Variants in TPO observed in about 807,000 individuals in gnomAD.
The protein encoded by TPO is thyroid microsomal antigen.
In TPO, 78 loss-of-function variants were observed where a neutral mutation model predicts 96.9. The observed-to-expected ratio is 0.81, with a 90% CI of 0.67 to 0.97. The LOEUF is 0.97. Among genes scored for constraint, TPO ranks in the 50% least tolerant of loss-of-function variants. The pLI is 0.00. For synonymous variants in TPO, 547 were observed against 538.0 expected, an observed-to-expected ratio of 1.02 and a Z score of -0.23; for missense variants, 1,252 against 1,274.8, an observed-to-expected ratio of 0.98 and a Z score of 0.27.
intron 7 of TPO, among the ~76,000 whole-genome samples, chr2:1,470,358 T>C (rs1331849590): frequency 6.6e-6 from 1 of 152,072 alleles, no homozygotes; most frequent in South Asian, 2.1e-4. Context: ...GCGAAAAAGG[T>C]GGACAAGGAG....
intron 1 of TPO, among the ~76,000 whole-genome samples, chr2:1,400,363 T>A (rs982957580): frequency 6.6e-6 from 1 of 152,048 alleles, no homozygotes; most frequent in Non-Finnish European, 1.5e-5. Flanking sequence ...CGTTCTGGCA[T>A]GTGCCTGTAA....
intron 1 of TPO, among the ~76,000 whole-genome samples, chr2:1,388,243 A>G (rs1220452489): frequency 6.6e-6 from 1 of 152,226 alleles, no homozygotes; most frequent in Admixed American, 6.5e-5. Context: ...AACCTGTCAG[A>G]CAGGGACATT....
chr2:1,503,598 C>A (rs976838028), intron 13 of TPO, among the ~76,000 whole-genome samples: 3 of 152,158 alleles, frequency 2.0e-5, no homozygotes, highest in African/African-American at 7.2e-5. Context: ...CCTGCCCCAC[C>A]CTCACCCTGG....
chr2:1,412,470 T>C (rs1218749643), upstream of TPO, among the ~76,000 whole-genome samples: 1 of 152,200 alleles, frequency 6.6e-6, no homozygotes, highest in South Asian at 2.1e-4. Flanking sequence ...TCAGAGCTTG[T>C]CTAACTCATT....
At chr2:1,502,695 T>C (rs1672997139) in intron 13 of TPO, among the ~76,000 whole-genome samples, 1 of 152,216 alleles carries the variant, frequency 6.6e-6, no homozygotes. Flanking sequence ...CGACTTCTTA[T>C]ACTCTTATAG....
chr2:1,420,341 C>G (rs2148424407), intron 2 of TPO, among the ~76,000 whole-genome samples: 3 of 152,258 alleles, frequency 2.0e-5, no homozygotes, highest in Middle Eastern at 6.8e-3. Flanking sequence ...TTGTCAAGTG[C>G]CTGCTGAAAA....
At chr2:1,477,005 C>T (rs1489369413) in intron 7 of TPO, 81 bp from the exon 8 acceptor site, 9 of 1,500,980 alleles carry the variant, frequency 6.0e-6, no homozygotes, top group Non-Finnish European at 7.1e-6. Flanking sequence ...GCTGCGGGGT[C>T]GTCGCCGGCC....
intron 15 of TPO, among the ~76,000 whole-genome samples, chr2:1,532,846 TC>T (rs1678632122): frequency 1.1e-4 from 5 of 44,334 alleles, no homozygotes; most frequent in Admixed American, 3.3e-4. Context: ...TCTCCCCAAA[TC>T]CCCCCCACTC....
intron 3 of TPO, among the ~76,000 whole-genome samples, chr2:1,427,667 G>T (rs980647316): frequency 6.6e-6 from 1 of 152,228 alleles, no homozygotes; most frequent in Non-Finnish European, 1.5e-5. Context: ...AGAAGCGTCT[G>T]CATGAGGAGG....
intron 15 of TPO, among the ~76,000 whole-genome samples, chr2:1,536,763 T>C (rs1384757001): frequency 1.3e-4 from 8 of 63,572 alleles, no homozygotes; most frequent in East Asian, 5.1e-4. Flanking sequence ...CAAATCCCCA[T>C]CACTCTGTGT....
intron 14 of TPO, among the ~76,000 whole-genome samples, chr2:1,511,751 C>T (rs968874741): frequency 6.6e-6 from 1 of 152,164 alleles, no homozygotes; most frequent in Non-Finnish European, 1.5e-5. Context: ...CAGTGACATC[C>T]CCATGCCACT....
At chr2:1,457,249 C>T (rs1469444397) in intron 7 of TPO, among the ~76,000 whole-genome samples, 2 of 80,344 alleles carry the variant, frequency 2.5e-5, no homozygotes, top group African/African-American at 1.1e-4. Context: ...ATGTATGATA[C>T]TGTGGGTACA....
chr2:1,505,969 G>C (rs1357027530), intron 14 of TPO, among the ~76,000 whole-genome samples: 1 of 149,620 alleles, frequency 6.7e-6, no homozygotes, highest in Non-Finnish European at 1.5e-5. Flanking sequence ...CCATTAACTC[G>C]TCATTTAACA....
intron 4 of TPO, among the ~76,000 whole-genome samples, chr2:1,435,804 A>AT (rs1477934522): frequency 1.3e-5 from 2 of 152,210 alleles, no homozygotes; most frequent in Non-Finnish European, 2.9e-5. Context: ...TCAAGGCAAG[A>AT]TTTTTTCTAC....
chr2:1,510,595 C>A (rs1364446227), intron 14 of TPO, among the ~76,000 whole-genome samples: 1 of 152,140 alleles, frequency 6.6e-6, no homozygotes, highest in East Asian at 1.9e-4. Flanking sequence ...GAGGGCTCAC[C>A]CACTACGTCT....
At chr2:1,497,403 G>A (rs538171295) in intron 13 of TPO, among the ~76,000 whole-genome samples, 7 of 152,318 alleles carry the variant, frequency 4.6e-5, no homozygotes, top group East Asian at 1.9e-4. Flanking sequence ...AGAGCCTCCC[G>A]GGGGGAGAGC....
rs117149359 is a variant in TPO at position 1,537,801 on chromosome 2, T to C, written c.2619-2793T>C. 0.012 allele frequency among the ~76,000 whole-genome samples: 698 copies of C among 57,248 alleles called. 13 individuals carry two copies. The East Asian group carries it at 0.15, about 12-fold the overall frequency. The allele number at this position is 57,248 out of a possible 152,430, so 37.6% of individuals were successfully genotyped here. A position where few individuals can be genotyped will look rare whatever the true frequency, so the allele number is the denominator to read the frequency against. Reference sequence around the variant, plus strand: ...CCCCAAATCCCCCCATTGTGAGCAATGTCCCCAAATCCCCCCACTGTGAGC... The same window carrying C: ...CCCCAAATCCCCCCATTGTGAGCAACGTCCCCAAATCCCCCCACTGTGAGC... On this transcript the variant is annotated intron_variant, in intron 15 of 16. Coordinates refer to ENST00000329066, the MANE Select transcript of TPO (RefSeq NM_001206744.2).
At chr2:1,489,982 G>GA (rs1255085157) in intron 10 of TPO, among the ~76,000 whole-genome samples, 19 of 113,222 alleles carry the variant, frequency 1.7e-4, no homozygotes, top group African/African-American at 5.4e-4. Context: ...TCCCACACAG[G>GA]GGGAGTCACG....
rs1293359162 is a variant in TPO, at chr2:1,418,108, C to T, written c.94+3606C>T. 2.6e-5 allele frequency among the ~76,000 whole-genome samples: 4 copies of T among 152,246 alleles called. No homozygotes were observed. The South Asian group carries it at 8.3e-4, about 32-fold the overall frequency. On this transcript the variant is annotated intron_variant, in intron 2 of 16. Transcript: ENST00000329066. ...GACCAGCCTGACCAACATGGCAAAA[C>T]CCCATCTCTACTAAAAATACAAAAA...
Sources: gnomAD v4.1 joint callset for allele counts (sites outside exome capture counted in the v4.1 genomes callset) on GRCh38, gnomAD v4.1.1 for gene constraint, MANE v1.5 for transcripts, NCBI Gene and HGNC (gene_info 2026-07-23, HGNC 2026-07-21) for gene names.